LRRC4C: variants seen among roughly 807,000 people sequenced by gnomAD.
The protein encoded by LRRC4C is leucine rich repeat containing 4C.
A neutral mutation model predicts 33.6 loss-of-function variants in LRRC4C; 5 were observed. That is an observed-to-expected ratio of 0.15 (90% CI 0.08 to 0.31). The LOEUF (loss-of-function observed/expected upper bound fraction) is 0.31, where lower values mean the gene tolerates loss of function less well. Among genes scored for constraint, LRRC4C ranks in the 10% least tolerant of loss-of-function variants. The pLI is 1.00. For synonymous variants in LRRC4C, 329 were observed against 302.0 expected (o/e 1.09, Z -0.93); for missense variants, 560 against 796.7 (o/e 0.70, Z 3.58).
chr11:41,054,679 T>A (rs1411028257), intron 1 of LRRC4C, among the ~76,000 whole-genome samples: 1 of 152,212 alleles, frequency 6.6e-6, no homozygotes, highest in Non-Finnish European at 1.5e-5. Context: ...GGTTGATTGA[T>A]GTTATTTGGG....
At chr11:40,657,061 C>T (rs554649290) in intron 2 of LRRC4C, among the ~76,000 whole-genome samples, 3 of 152,140 alleles carry the variant, frequency 2.0e-5, no homozygotes, top group African/African-American at 7.2e-5. Flanking sequence ...TGTAAAAAAC[C>T]ATTTTTAATG....
intron 5 of LRRC4C, among the ~76,000 whole-genome samples, chr11:40,186,557 G>C (rs1402478552): frequency 6.6e-6 from 1 of 152,272 alleles, no homozygotes; most frequent in African/African-American, 2.4e-5. Context: ...TGGAAAGCCT[G>C]TTCTGCATGG....
chr11:40,576,689 C>T (rs1958207012), intron 3 of LRRC4C, among the ~76,000 whole-genome samples: 1 of 152,098 alleles, frequency 6.6e-6, no homozygotes, highest in Non-Finnish European at 1.5e-5. Flanking sequence ...TTCTTATTCC[C>T]TTCATAGTTT....
At chr11:40,561,224 G>A (rs1397339112) in intron 3 of LRRC4C, among the ~76,000 whole-genome samples, 1 of 152,028 alleles carries the variant, frequency 6.6e-6, no homozygotes, top group African/African-American at 2.4e-5. Context: ...TCGAATTCAG[G>A]TCTAAAACCT....
chr11:40,443,366 C>T (rs536614563), intron 3 of LRRC4C, among the ~76,000 whole-genome samples: 2 of 152,212 alleles, frequency 1.3e-5, no homozygotes, highest in Non-Finnish European at 2.9e-5. Context: ...AAGTAAATTA[C>T]TATTCCGGGT....
chr11:41,067,848 T>C (rs971432414), intron 1 of LRRC4C, among the ~76,000 whole-genome samples: 3 of 152,104 alleles, frequency 2.0e-5, no homozygotes, highest in Admixed American at 2.0e-4. Flanking sequence ...AGAAGTTCTT[T>C]GAAACCAATG....
intron 3 of LRRC4C, among the ~76,000 whole-genome samples, chr11:40,617,906 A>C (rs1205788617): frequency 6.6e-6 from 1 of 151,648 alleles, no homozygotes; most frequent in African/African-American, 2.4e-5. Context: ...TGAGGAAGCA[A>C]GAGACTTTTT....
intron 1 of LRRC4C, among the ~76,000 whole-genome samples, chr11:41,362,018 T>G (rs2137678224): frequency 6.6e-6 from 1 of 152,344 alleles, no homozygotes. Context: ...AAACTTGTCT[T>G]TTATTTCTAA....
At chr11:41,395,725 T>A (rs1953783029) in intron 1 of LRRC4C, among the ~76,000 whole-genome samples, 1 of 151,970 alleles carries the variant, frequency 6.6e-6, no homozygotes, top group South Asian at 2.1e-4. Flanking sequence ...ACATAATTGG[T>A]CTCTTGATCC....
chr11:40,719,572 G>A (rs900715717), intron 2 of LRRC4C, among the ~76,000 whole-genome samples: 1 of 152,164 alleles, frequency 6.6e-6, no homozygotes, highest in African/African-American at 2.4e-5. Flanking sequence ...GCTGCTTTTG[G>A]ATGATGAAAA....
At chr11:40,327,162 T>C (rs1258144473) in intron 3 of LRRC4C, among the ~76,000 whole-genome samples, 1 of 152,216 alleles carries the variant, frequency 6.6e-6, no homozygotes, top group Non-Finnish European at 1.5e-5. Flanking sequence ...GGAGCCTCTC[T>C]CAATGGCAGA....
chr11:40,323,769 C>A (rs1565273070), intron 3 of LRRC4C, among the ~76,000 whole-genome samples: 1 of 152,120 alleles, frequency 6.6e-6, no homozygotes, highest in Non-Finnish European at 1.5e-5. Flanking sequence ...CCTCAAGGAA[C>A]CCACCCTCTA....
At chr11:40,517,537 C>A (rs754505372) in intron 3 of LRRC4C, among the ~76,000 whole-genome samples, 3 of 152,248 alleles carry the variant, frequency 2.0e-5, no homozygotes, top group South Asian at 4.1e-4. Flanking sequence ...AATAACACCC[C>A]CTTTTTAGAA....
At chr11:41,345,395 G>A (rs964951314) in intron 1 of LRRC4C, among the ~76,000 whole-genome samples, 5 of 152,148 alleles carry the variant, frequency 3.3e-5, no homozygotes, top group Non-Finnish European at 7.4e-5. Flanking sequence ...ATTCCGCCAT[G>A]GTCTTTAGGA....
At chr11:40,980,569 CA>C (rs979037515) in intron 1 of LRRC4C, among the ~76,000 whole-genome samples, 4 of 149,298 alleles carry the variant, frequency 2.7e-5, no homozygotes, top group African/African-American at 4.9e-5. Flanking sequence ...CAAGTAAAGA[CA>C]AAAAAAAAGT....
Position 40,377,392 on chromosome 11 carries a change from A to G in LRRC4C, c.-269-57671T>C, listed in dbSNP as rs566354952. Among the ~76,000 whole-genome samples, 12 of 152,236 alleles carry G rather than the reference A, an allele frequency of 7.9e-5. No individual in the cohort carries two copies. In the South Asian group the frequency reaches 1.4e-3, roughly 18 times the overall value. On this transcript the variant is annotated intron_variant, in intron 3 of 6. Coordinates refer to ENST00000528697, the MANE Select transcript of LRRC4C (RefSeq NM_001258419.2). ...TTAGCACTTTCTGAGCTGTTGATTA[A>G]TTTGTCATCAACAATATTTTCCCCA...
intron 4 of LRRC4C, among the ~76,000 whole-genome samples, chr11:40,305,807 T>C (rs1945000607): frequency 6.6e-6 from 1 of 152,228 alleles, no homozygotes; most frequent in Non-Finnish European, 1.5e-5. Flanking sequence ...ACACCTGTTC[T>C]ACAGAATTAC....
intron 3 of LRRC4C, among the ~76,000 whole-genome samples, chr11:40,420,240 T>C (rs1238714625): frequency 6.6e-6 from 1 of 152,166 alleles, no homozygotes; most frequent in Admixed American, 6.5e-5. Flanking sequence ...CTGAAATCGA[T>C]CACCACAATT....
chr11:41,293,103 G>A (rs1950036405), intron 1 of LRRC4C, among the ~76,000 whole-genome samples: 1 of 152,078 alleles, frequency 6.6e-6, no homozygotes, highest in Non-Finnish European at 1.5e-5. Flanking sequence ...AATCCCAGGA[G>A]AAATGCTCCA....
Sources: allele counts gnomAD v4.1 joint callset (sites outside exome capture counted in the v4.1 genomes callset), GRCh38; gene constraint gnomAD v4.1.1; transcripts MANE v1.5; gene names NCBI Gene and HGNC (gene_info 2026-07-23, HGNC 2026-07-21).